LNPK: variants seen among roughly 807,000 people sequenced by gnomAD.
LNPK encodes the protein endoplasmic reticulum junction formation protein lunapark.
LNPK carries 29 observed loss-of-function variants against 55.2 expected under a neutral mutation model. The observed-to-expected ratio is 0.53, with a 90% CI of 0.39 to 0.72. LNPK has a LOEUF of 0.72. LNPK is among the 30% of genes least tolerant of loss of function. LNPK has a pLI of 0.00. For missense variants in LNPK, 467 were observed against 494.8 expected, an observed-to-expected ratio of 0.94 and a Z score of 0.53; for synonymous variants, 162 against 168.2, an observed-to-expected ratio of 0.96 and a Z score of 0.29.
intron 11 of LNPK, 185 bp from the exon 12 acceptor site, chr2:175,937,699 T>C (rs948276280): frequency 3.4e-5 from 15 of 440,968 alleles, no homozygotes; most frequent in Admixed American, 3.9e-5. Flanking sequence ...TCCTAATTAT[T>C]AGAATTTTAA....
intron 4 of LNPK, among the ~76,000 whole-genome samples, chr2:175,982,490 T>G (rs555237489): frequency 8.9e-4 from 136 of 152,294 alleles, no homozygotes; most frequent in African/African-American, 3.1e-3. Context: ...ATATGTCAAG[T>G]CTTCAAGACT....
At chr2:175,987,702 T>C (rs1399738414) in intron 4 of LNPK, among the ~76,000 whole-genome samples, 1 of 152,036 alleles carries the variant, frequency 6.6e-6, no homozygotes, top group Non-Finnish European at 1.5e-5. Context: ...TACATTCCTA[T>C]ATACAATCAG....
At chr2:175,965,639 C>T (rs914390333) in intron 6 of LNPK, among the ~76,000 whole-genome samples, 2 of 152,102 alleles carry the variant, frequency 1.3e-5, no homozygotes, top group African/African-American at 2.4e-5. Context: ...ACACTCAATT[C>T]GACATTTAAG....
intron 2 of LNPK, 91 bp downstream of exon 2, chr2:175,995,467 A>T: frequency 1.1e-6 from 1 of 939,742 alleles, no homozygotes; most frequent in Non-Finnish European, 1.6e-6. Flanking sequence ...ACTACTATTC[A>T]AGGCTATAAT....
intron 1 of LNPK, among the ~76,000 whole-genome samples, chr2:175,999,927 G>A (rs918124424): frequency 1.9e-4 from 29 of 152,052 alleles, no homozygotes; most frequent in Non-Finnish European, 3.7e-4. Flanking sequence ...CACCACTCCC[G>A]ACTAATTTTT....
At chr2:175,945,026 G>A (rs1040186976) in intron 9 of LNPK, among the ~76,000 whole-genome samples, 2 of 151,458 alleles carry the variant, frequency 1.3e-5, no homozygotes, top group Non-Finnish European at 2.9e-5. Context: ...AGCCTCCCAA[G>A]TAGCTGGGAA....
intron 2 of LNPK, among the ~76,000 whole-genome samples, chr2:175,993,719 G>A (rs1370339166): frequency 1.3e-5 from 2 of 151,924 alleles, no homozygotes; most frequent in Non-Finnish European, 2.9e-5. Context: ...ATTGAACCCG[G>A]GAGCCAGAGG....
At chr2:175,959,085 G>A (rs1213257961) in intron 8 of LNPK, among the ~76,000 whole-genome samples, 1 of 152,162 alleles carries the variant, frequency 6.6e-6, no homozygotes, top group East Asian at 1.9e-4. Context: ...CCAAATCTAC[G>A]TTTCATTGGT....
intron 4 of LNPK, among the ~76,000 whole-genome samples, chr2:175,988,310 T>C (rs1423319374): frequency 6.6e-5 from 10 of 151,758 alleles, no homozygotes; most frequent in Admixed American, 6.6e-4. Context: ...GAGACCAGCC[T>C]GGTCAACATG....
intron 9 of LNPK, among the ~76,000 whole-genome samples, chr2:175,947,224 A>G (rs1399477813): frequency 6.6e-6 from 1 of 152,320 alleles, no homozygotes; most frequent in East Asian, 1.9e-4. Flanking sequence ...TTGGCTACAG[A>G]ATAATACAAA....
intron 2 of LNPK, among the ~76,000 whole-genome samples, chr2:175,994,923 T>A (rs1452684998): frequency 6.9e-6 from 1 of 143,938 alleles, no homozygotes; most frequent in Non-Finnish European, 1.5e-5. Flanking sequence ...AATTTTTTTT[T>A]TTTTTTTTTT....
chr2:175,940,916 A>G, intron 9 of LNPK: 1 of 450,718 alleles, frequency 2.2e-6, no homozygotes, highest in Admixed American at 2.4e-5. Flanking sequence ...ACTGCACACA[A>G]AAAAACTGGT....
chr2:175,969,817 G>A (rs931015002), intron 6 of LNPK, among the ~76,000 whole-genome samples: 3 of 152,114 alleles, frequency 2.0e-5, no homozygotes, highest in African/African-American at 7.2e-5. Flanking sequence ...TACCTCACAG[G>A]ACACCCAATA....
intron 8 of LNPK, among the ~76,000 whole-genome samples, chr2:175,953,697 T>C (rs1401587071): frequency 1.3e-5 from 2 of 151,318 alleles, no homozygotes; most frequent in African/African-American, 2.4e-5. Flanking sequence ...CTTTTAACTA[T>C]ATTAGATGAT....
chr2:175,969,170 T>C (rs1239974587), intron 6 of LNPK, among the ~76,000 whole-genome samples: 2 of 152,216 alleles, frequency 1.3e-5, no homozygotes, highest in South Asian at 2.1e-4. Flanking sequence ...GTTTAATTAA[T>C]AAAGTGAATT....
At position 175,926,863 on chromosome 2, in the gene LNPK, G is replaced by A. The variant is rs1175694714; in HGVS notation, c.*3104C>T. 1 of 152,196 alleles carries A rather than the reference G, an allele frequency of 6.6e-6. No homozygotes were observed. Among genetic ancestry groups the A allele is most frequent in the African/African-American group, 2.4e-5 (1 of 41,450 alleles). The allele number at this position is 152,196 out of a possible 1,614,324, so 9.4% of individuals were successfully genotyped here. ...GATGAGAAACATAAACGGTTTGAATGTTCTGAAGGTTTGAAGCAAAGTATA... is the reference window on the plus strand; with the variant it reads ...GATGAGAAACATAAACGGTTTGAATATTCTGAAGGTTTGAAGCAAAGTATA... On this transcript the variant is annotated 3_prime_UTR_variant, in exon 13 of 13. Coordinates refer to ENST00000272748, the MANE Select transcript of LNPK (RefSeq NM_030650.3).
rs1686747928 is a variant in LNPK, at chr2:175,973,390, A to G, written c.317-2586T>C. 2.0e-5 allele frequency among the ~76,000 whole-genome samples: 3 copies of G among 152,194 alleles called. No homozygotes were observed. In the South Asian group the frequency reaches 6.2e-4, roughly 32 times the overall value. ...AACTGACAATGGTTAAGTCCATGAG[A>G]GCAATGAAGTTCCCTTTGGCCCTAC... On this transcript the variant is annotated intron_variant, in intron 5 of 12. Coordinates refer to ENST00000272748, the MANE Select transcript of LNPK (RefSeq NM_030650.3).
intron 2 of LNPK, chr2:175,994,318 T>C (rs1687836684): frequency 1.6e-5 from 16 of 984,300 alleles, no homozygotes; most frequent in Non-Finnish European, 1.9e-5. Flanking sequence ...ATAAATTTGA[T>C]CCTTGGGCAG....
chr2:176,002,040 G>A (rs1169709062), intron 1 of LNPK, 120 bp downstream of exon 1: 3 of 321,762 alleles, frequency 9.3e-6, no homozygotes, highest in African/African-American at 2.3e-5. Context: ...CCACTTGGCA[G>A]GAGGCGGGGG....
Sources: gnomAD v4.1 joint callset for allele counts (sites outside exome capture counted in the v4.1 genomes callset) on GRCh38, gnomAD v4.1.1 for gene constraint, MANE v1.5 for transcripts, NCBI Gene and HGNC (gene_info 2026-07-23, HGNC 2026-07-21) for gene names.